The following ALOX5AP variants were observed in gnomAD, a reference collection of about 807,000 sequenced individuals.
The protein encoded by ALOX5AP is arachidonate 5-lipoxygenase activating protein, also known as arachidonate 5-lipoxygenase-activating protein.
ALOX5AP carries 9 observed loss-of-function variants against 18.5 expected under a neutral mutation model. The observed-to-expected ratio is 0.49, with a 90% confidence interval of 0.29 to 0.85. ALOX5AP has a LOEUF of 0.85. Ranked by LOEUF, ALOX5AP falls within the 40% of genes least tolerant of loss-of-function variation. ALOX5AP has a pLI of 0.08. For missense variants in ALOX5AP, 172 were observed against 202.5 expected, an observed-to-expected ratio of 0.85 and a Z score of 0.91; for synonymous variants, 81 against 78.6, an observed-to-expected ratio of 1.03 and a Z score of -0.16.
At chr13:30,747,939 G>T (rs1951822226) in intron 2 of ALOX5AP, among the ~76,000 whole-genome samples, 2 of 149,386 alleles carry the variant, frequency 1.3e-5, no homozygotes, top group African/African-American at 2.5e-5. Flanking sequence ...ATTTTTTTTT[G>T]AGATGGAGCT....
intron 1 of ALOX5AP, among the ~76,000 whole-genome samples, chr13:30,715,335 C>T (rs916307402): frequency 5.3e-5 from 8 of 152,198 alleles, no homozygotes; most frequent in East Asian, 1.9e-4. Flanking sequence ...ACATTTACTG[C>T]ACTTAATGTA....
intron 1 of ALOX5AP, among the ~76,000 whole-genome samples, chr13:30,719,901 C>T (rs902376068): frequency 4.6e-5 from 7 of 151,120 alleles, no homozygotes; most frequent in Non-Finnish European, 8.8e-5. Context: ...CTTGCTCTGT[C>T]ACTAGGCTGG....
At chr13:30,750,969 G>A (rs968181836) in intron 2 of ALOX5AP, among the ~76,000 whole-genome samples, 11 of 152,220 alleles carry the variant, frequency 7.2e-5, no homozygotes, top group Admixed American at 6.5e-5. Context: ...TTCTCCCCTA[G>A]AAGTTCCAGA....
chr13:30,749,555 A>C (rs928523837), intron 2 of ALOX5AP, among the ~76,000 whole-genome samples: 7 of 152,200 alleles, frequency 4.6e-5, no homozygotes, highest in Admixed American at 2.0e-4. Flanking sequence ...GCCAGTGCCC[A>C]GTAGCTGCTG....
chr13:30,758,541 T>C (rs1951915081), intron 4 of ALOX5AP, among the ~76,000 whole-genome samples: 1 of 152,126 alleles, frequency 6.6e-6, no homozygotes. Context: ...GGGAAGACAT[T>C]CCATAATGAA....
intron 2 of ALOX5AP, among the ~76,000 whole-genome samples, chr13:30,747,693 G>A (rs1593439952): frequency 6.6e-6 from 1 of 152,218 alleles, no homozygotes; most frequent in Non-Finnish European, 1.5e-5. Flanking sequence ...TTTAACAGGT[G>A]TTACAGGGGA....
intron 1 of ALOX5AP, among the ~76,000 whole-genome samples, chr13:30,740,727 G>A (rs1229043243): frequency 2.0e-5 from 3 of 152,292 alleles, no homozygotes; most frequent in South Asian, 2.1e-4. Flanking sequence ...AGATCTGTGC[G>A]TGTTTCCAGG....
intron 1 of ALOX5AP, among the ~76,000 whole-genome samples, chr13:30,737,404 G>A (rs1951729997): frequency 6.6e-6 from 1 of 152,248 alleles, no homozygotes; most frequent in East Asian, 1.9e-4. Context: ...TCAGATTGAG[G>A]TGAGTGGTGA....
At chr13:30,734,342 A>T (rs1459616485), upstream of ALOX5AP, among the ~76,000 whole-genome samples, 2 of 151,978 alleles carry the variant, frequency 1.3e-5, 1 homozygote, top group Non-Finnish European at 2.9e-5. Flanking sequence ...CCTATGAGGG[A>T]GCAATATCTT....
intron 4 of ALOX5AP, among the ~76,000 whole-genome samples, chr13:30,762,180 A>G (rs955045579): frequency 1.3e-5 from 2 of 152,134 alleles, no homozygotes; most frequent in South Asian, 2.1e-4. Context: ...GAGATTTCCC[A>G]TTTCTGACAA....
At chr13:30,713,747 G>C in exon 1 of ALOX5AP, 3 of 1,534,800 alleles carry the variant, frequency 2.0e-6, no homozygotes, top group Non-Finnish European at 2.6e-6. Flanking sequence ...TAATCACGAT[G>C]CTCCCTGGCA....
chr13:30,755,654 T>C (rs938059425), intron 3 of ALOX5AP, among the ~76,000 whole-genome samples: 1 of 152,190 alleles, frequency 6.6e-6, no homozygotes, highest in Non-Finnish European at 1.5e-5. Context: ...TCTCATATTT[T>C]TAAGAAAGTT....
chr13:30,719,607 G>A (rs1044345379), intron 1 of ALOX5AP, among the ~76,000 whole-genome samples: 4 of 152,166 alleles, frequency 2.6e-5, no homozygotes, highest in Non-Finnish European at 5.9e-5. Context: ...ATTTCCAAGA[G>A]TCAATACTGT....
chr13:30,753,672 C>G (rs1406292770), intron 3 of ALOX5AP, among the ~76,000 whole-genome samples: 2 of 152,200 alleles, frequency 1.3e-5, no homozygotes, highest in Non-Finnish European at 2.9e-5. Flanking sequence ...CCCAGAGGAA[C>G]AAGTGGCTTG....
In ALOX5AP at chr13:30,757,003, GC is replaced by G. The variant is rs529167118; in HGVS notation, c.323+979del. On this transcript the variant is annotated intron_variant, in intron 4 of 4. Coordinates refer to ENST00000380490, the MANE Select transcript of ALOX5AP (RefSeq NM_001629.4). ...GCTAATACTTACAGAAGAAATGTCG[GC>G]GTTAGAGTATGCCGTCAGTTCCTTA... Among the ~76,000 whole-genome samples, 34 of 152,194 alleles carry G rather than the reference GC, an allele frequency of 2.2e-4. 1 individual carries two copies. In the South Asian group the frequency reaches 4.6e-3, roughly 20 times the overall value.
At chr13:30,718,047 C>T (rs1255968730) in intron 1 of ALOX5AP, among the ~76,000 whole-genome samples, 2 of 151,790 alleles carry the variant, frequency 1.3e-5, no homozygotes, top group Non-Finnish European at 1.5e-5. Flanking sequence ...GCAACCTCCG[C>T]CTCCCAGGTT....
upstream of ALOX5AP, among the ~76,000 whole-genome samples, chr13:30,733,418 T>G (rs1281183764): frequency 2.0e-5 from 3 of 152,192 alleles, no homozygotes; most frequent in African/African-American, 7.2e-5. Context: ...GAGCTAACGC[T>G]TTATGGGGTT....
At chr13:30,716,322 A>G (rs1054626903) in intron 1 of ALOX5AP, among the ~76,000 whole-genome samples, 5 of 152,198 alleles carry the variant, frequency 3.3e-5, no homozygotes, top group Admixed American at 2.0e-4. Context: ...GCATGAGGAT[A>G]ATTAAAAACT....
chr13:30,743,975 C>T, intron 1 of ALOX5AP, 85 bp from the exon 2 acceptor site: 1 of 1,126,292 alleles, frequency 8.9e-7, no homozygotes, highest in East Asian at 2.5e-5. Context: ...GTCAAGGAGG[C>T]ATTTAACATT....
Sources: gnomAD v4.1 joint callset for allele counts (sites outside exome capture counted in the v4.1 genomes callset) on GRCh38, gnomAD v4.1.1 for gene constraint, MANE v1.5 for transcripts, NCBI Gene and HGNC (gene_info 2026-07-23, HGNC 2026-07-21) for gene names.